The following PTPRN2 variants were observed in gnomAD, a reference collection of about 807,000 sequenced individuals.
The protein encoded by PTPRN2 is protein tyrosine phosphatase receptor type N2.
A neutral mutation model predicts 118.8 loss-of-function variants in PTPRN2; 74 were observed. The observed-to-expected ratio is 0.62, with a 90% CI of 0.52 to 0.76. The LOEUF is 0.76. Ranked by LOEUF, PTPRN2 falls within the 30% of genes least tolerant of loss-of-function variation. The pLI, the probability that PTPRN2 is intolerant of heterozygous loss-of-function variation, is 0.00. For synonymous variants in PTPRN2, 641 were observed against 608.0 expected (o/e 1.05, Z -0.80); for missense variants, 1,481 against 1,394.4 (o/e 1.06, Z -0.99).
At chr7:157,908,244 G>A (rs370669429) in intron 11 of PTPRN2, among the ~76,000 whole-genome samples, 23 of 152,326 alleles carry the variant, frequency 1.5e-4, no homozygotes, top group African/African-American at 4.1e-4. Context: ...AGGCCGAGCC[G>A]CAGCATGATG....
chr7:158,519,369 G>A (rs565386870), intron 1 of PTPRN2, among the ~76,000 whole-genome samples: 15 of 152,206 alleles, frequency 9.9e-5, no homozygotes, highest in African/African-American at 3.6e-4. Context: ...TTTTCATACC[G>A]AGAACAGAAT....
chr7:158,040,398 TCA>T (rs61036927), intron 11 of PTPRN2, among the ~76,000 whole-genome samples: 9,961 of 148,154 alleles, frequency 0.067, 499 homozygotes, highest in African/African-American at 0.14. Context: ...TGCACACACT[TCA>T]CACACACACA....
intron 11 of PTPRN2, among the ~76,000 whole-genome samples, chr7:157,998,618 A>G (rs1180613489): frequency 6.6e-6 from 1 of 152,076 alleles, no homozygotes; most frequent in Non-Finnish European, 1.5e-5. Flanking sequence ...AAGTCAGGAG[A>G]TCGAGACCAT....
At position 157,784,952 on chromosome 7, in the gene PTPRN2, G is replaced by A. The variant is rs73744892; in HGVS notation, c.1789-102015C>T. 0.018 allele frequency among the ~76,000 whole-genome samples: 2,743 copies of A among 152,254 alleles called. 82 individuals carry two copies. Among genetic ancestry groups the A allele is most frequent in the African/African-American group, 0.062 (2,556 of 41,534 alleles). On this transcript the variant is annotated intron_variant, in intron 12 of 22. Coordinates refer to ENST00000389418, the MANE Select transcript of PTPRN2 (RefSeq NM_002847.5). The surrounding 1 kb of genome is among the most constrained non-coding windows in gnomAD (Gnocchi z 4.6). ...CCCCAGTGGCCAGGTGAGCAGTGGG[G>A]CTGGAGAGGAGAGCAGAGGGAGCCG...
At chr7:157,757,903 A>T (rs1042674324) in intron 12 of PTPRN2, among the ~76,000 whole-genome samples, 4 of 152,202 alleles carry the variant, frequency 2.6e-5, no homozygotes, top group African/African-American at 9.6e-5. Flanking sequence ...ACCGCGCACA[A>T]GAAGGCAGTG....
intron 11 of PTPRN2, among the ~76,000 whole-genome samples, chr7:157,965,282 T>A (rs563829457): frequency 1.3e-5 from 2 of 152,288 alleles, no homozygotes; most frequent in Admixed American, 1.3e-4. Flanking sequence ...GAAGTCAAGA[T>A]GCCTCTTATG....
At chr7:158,373,204 C>T (rs1446748812) in intron 2 of PTPRN2, among the ~76,000 whole-genome samples, 2 of 152,242 alleles carry the variant, frequency 1.3e-5, no homozygotes, top group East Asian at 1.9e-4. Flanking sequence ...CTCTGACGCC[C>T]GTACGCTGCG....
chr7:157,679,418 C>T (rs1796815665), intron 13 of PTPRN2, among the ~76,000 whole-genome samples: 2 of 152,046 alleles, frequency 1.3e-5, no homozygotes, highest in Non-Finnish European at 2.9e-5. Flanking sequence ...TGGTAAGTGT[C>T]AAAAATATGA....
At position 157,651,980 on chromosome 7, in the gene PTPRN2, C is replaced by T. The variant is rs920510405; in HGVS notation, c.2196+4377G>A. On this transcript the variant is annotated intron_variant, in intron 14 of 22. Transcript: ENST00000389418. ...TTCCAGACAGTCCAAGGCAGGGGCA[C>T]GGACTGCACCTTCCCTGCGCCTGGG... 3.3e-5 allele frequency among the ~76,000 whole-genome samples: 5 copies of T among 152,354 alleles called. No individual in the cohort carries two copies. The East Asian group carries it at 5.8e-4, about 18-fold the overall frequency.
chr7:157,916,016 C>A (rs1798373694), intron 11 of PTPRN2, among the ~76,000 whole-genome samples: 1 of 152,088 alleles, frequency 6.6e-6, no homozygotes, highest in Non-Finnish European at 1.5e-5. Context: ...TCAGGGGAGG[C>A]TAAATATGAA....
intron 2 of PTPRN2, among the ~76,000 whole-genome samples, chr7:158,339,751 A>T (rs1586370216): frequency 9.7e-6 from 1 of 102,940 alleles, no homozygotes; most frequent in East Asian, 3.2e-4. Context: ...TCACCATAAG[A>T]GCTGACACCT....
At chr7:157,956,429 C>T (rs1377523565) in intron 11 of PTPRN2, among the ~76,000 whole-genome samples, 1 of 152,192 alleles carries the variant, frequency 6.6e-6, no homozygotes, top group Non-Finnish European at 1.5e-5. Flanking sequence ...TGTGACTCTA[C>T]CAGAAGAGGC....
chr7:157,786,155 G>T (rs1421634880), intron 12 of PTPRN2, among the ~76,000 whole-genome samples: 1 of 152,210 alleles, frequency 6.6e-6, no homozygotes, highest in African/African-American at 2.4e-5. Flanking sequence ...CCAGCCCTGC[G>T]TGGGGTTCTC....
chr7:157,756,022 A>T (rs1801758340), intron 12 of PTPRN2, among the ~76,000 whole-genome samples: 1 of 152,218 alleles, frequency 6.6e-6, no homozygotes, highest in East Asian at 1.9e-4. Context: ...TTTACTTGGC[A>T]TCTGACTACC....
chr7:158,454,299 G>C (rs971534396), intron 2 of PTPRN2, among the ~76,000 whole-genome samples: 1 of 151,062 alleles, frequency 6.6e-6, no homozygotes, highest in African/African-American at 2.4e-5. Flanking sequence ...GGACAGACAA[G>C]ACACAACACA....
At chr7:158,176,907 C>T (rs1317281046) in intron 5 of PTPRN2, among the ~76,000 whole-genome samples, 6 of 152,236 alleles carry the variant, frequency 3.9e-5, no homozygotes, top group Admixed American at 1.3e-4. Flanking sequence ...CTCCAGGTGG[C>T]ATGGCTAAGC....
chr7:158,524,806 A>G (rs1166592039), intron 1 of PTPRN2, among the ~76,000 whole-genome samples: 1 of 152,144 alleles, frequency 6.6e-6, no homozygotes, highest in East Asian at 1.9e-4. Context: ...ATCTGCATAC[A>G]CAAAAAGTCA....
At chr7:157,713,382 G>A (rs954974191) in intron 12 of PTPRN2, among the ~76,000 whole-genome samples, 3 of 152,094 alleles carry the variant, frequency 2.0e-5, no homozygotes, top group Non-Finnish European at 2.9e-5. Context: ...TCCTCATTAA[G>A]TAATTATTTA....
At chr7:158,534,003 A>G (rs940047138) in intron 1 of PTPRN2, among the ~76,000 whole-genome samples, 7 of 151,866 alleles carry the variant, frequency 4.6e-5, no homozygotes, top group Non-Finnish European at 8.8e-5. Context: ...GCAGGTTGTG[A>G]CCACCCACCC....
Sources: allele counts gnomAD v4.1 joint callset (sites outside exome capture counted in the v4.1 genomes callset), GRCh38; gene constraint gnomAD v4.1.1; non-coding constraint Gnocchi (gnomAD v3.1); transcripts MANE v1.5; gene names NCBI Gene and HGNC (gene_info 2026-07-23, HGNC 2026-07-21).